Variants in NRDC observed in about 807,000 individuals in gnomAD.
The protein encoded by NRDC is nardilysin.
In NRDC, 54 loss-of-function variants were observed where a neutral mutation model predicts 147.1. The ratio of observed to expected loss-of-function variants is 0.37; its 90% CI spans 0.29 to 0.46. NRDC has a LOEUF of 0.46. NRDC is among the 20% of genes least tolerant of loss of function. NRDC has a pLI of 1.00. For synonymous variants in NRDC, 440 were observed against 482.1 expected (o/e 0.91, Z 1.14); for missense variants, 1,082 against 1,370.6 (o/e 0.79, Z 3.33).
rs756968433 is a variant in NRDC at position 51,813,986 on chromosome 1, C to T, written c.1674+49G>A. 6 of 1,201,736 alleles carry T rather than the reference C, an allele frequency of 5.0e-6. No individual in the cohort carries two copies. The Admixed American group carries it at 8.9e-5, about 18-fold the overall frequency. 74.4% of individuals were successfully genotyped at this position (1,201,736 alleles called of 1,614,324 possible). A position where few individuals can be genotyped will look rare whatever the true frequency, so the allele number is the denominator to read the frequency against. On this transcript the variant is annotated intron_variant, in intron 14 of 30. Coordinates refer to ENST00000352171, the MANE Select transcript of NRDC (RefSeq NM_001101662.2). The stretch of plus-strand genomic sequence containing the variant: ...AAAAGAGGAACAATGTCTACACCAG[C>T]TTCAACTCAGTCACAGATAACATGC...
intron 13 of NRDC, 159 bp from the exon 14 acceptor site, chr1:51,814,248 A>G: frequency 1.7e-6 from 1 of 598,224 alleles, no homozygotes; most frequent in Non-Finnish European, 3.0e-6. Flanking sequence ...ACCGTGACAC[A>G]AGTTTACCTA....
chr1:51,820,983 G>A (rs762139111), intron 8 of NRDC, among the ~76,000 whole-genome samples: 10 of 151,966 alleles, frequency 6.6e-5, no homozygotes, highest in African/African-American at 1.7e-4. Context: ...ACTGAAACTC[G>A]ACATACAATT....
At chr1:51,839,725 C>T (rs958345756) in intron 2 of NRDC, among the ~76,000 whole-genome samples, 6 of 152,128 alleles carry the variant, frequency 3.9e-5, no homozygotes, top group African/African-American at 1.2e-4. Context: ...CTAAATCAAA[C>T]TCAATTATCT....
At position 51,797,717 on chromosome 1, in the gene NRDC, A is replaced by C. The variant is rs574622499; in HGVS notation, c.2604+532T>G. Among the ~76,000 whole-genome samples the C allele has an allele frequency of 4.6e-5, 7 of 152,208 alleles. No individual in the cohort carries two copies. The South Asian group carries it at 1.5e-3, about 32-fold the overall frequency. ...CAAACAGTATAGATACGCCAAACCC[A>C]TTTCACTCAAAATCCTAGTCTATTA... On this transcript the variant is annotated intron_variant, in intron 22 of 30. Transcript: ENST00000352171.
chr1:51,807,249 G>A (rs1013753275), intron 17 of NRDC, among the ~76,000 whole-genome samples: 2 of 152,188 alleles, frequency 1.3e-5, no homozygotes, highest in Non-Finnish European at 2.9e-5. Flanking sequence ...ATTAATTCAT[G>A]AGAATGCCTT....
At chr1:51,852,492 T>G (rs1682007072) in intron 1 of NRDC, among the ~76,000 whole-genome samples, 1 of 101,878 alleles carries the variant, frequency 9.8e-6, no homozygotes, top group Non-Finnish European at 2.4e-5. Flanking sequence ...ATATATAACA[T>G]GTATATGAGG....
chr1:51,863,459 A>G (rs907619432), intron 1 of NRDC, among the ~76,000 whole-genome samples: 4 of 152,188 alleles, frequency 2.6e-5, no homozygotes, highest in African/African-American at 9.7e-5. Flanking sequence ...TAATGAACTC[A>G]ACCTAAAATT....
At chr1:51,860,285 C>T (rs1571914760) in intron 1 of NRDC, 1 of 153,228 alleles carries the variant, frequency 6.5e-6, no homozygotes, top group African/African-American at 2.4e-5. Context: ...TTTCCCATTC[C>T]GTAAGTTTTT....
rs1449610313 is a variant in NRDC, at chr1:51,814,167, A to C, written c.1620-78T>G. On this transcript the variant is annotated intron_variant, in intron 13 of 30. Coordinates refer to ENST00000352171, the MANE Select transcript of NRDC (RefSeq NM_001101662.2). ...GAGGGAGAAGGGCGGGAGGAGGGAGAGGATCAGAAAAGGTAACTATTGGGT... is the reference window on the plus strand; with the variant it reads ...GAGGGAGAAGGGCGGGAGGAGGGAGCGGATCAGAAAAGGTAACTATTGGGT... 3 of 879,794 alleles carry C rather than the reference A, an allele frequency of 3.4e-6. No individual in the cohort carries two copies. In the African/African-American group the frequency reaches 5.0e-5, roughly 15 times the overall value. 54.5% of individuals were successfully genotyped at this position (879,794 alleles called of 1,614,324 possible).
chr1:51,819,866 G>A lies in NRDC; in HGVS notation c.1225C>T (p.Pro409Ser). Reference protein sequence around the residue: ...IFSQIPNNGLPRPNFGHLTDP... With the variant: ...IFSQIPNNGLSRPNFGHLTDP... Reference sequence around the variant, plus strand: ...GTTAAATGGCCAAAGTTTGGTCTGGGTAACCCACTGAAAATAAAACAAATA... The same window carrying A: ...GTTAAATGGCCAAAGTTTGGTCTGGATAACCCACTGAAAATAAAACAAATA... The change falls in exon 9 of 31, where the codon CCC (proline) becomes TCC (serine). Residue 409 changes from proline to serine, a missense_variant. Physicochemically the swap from Pro to Ser is moderately conservative, Grantham distance 74. Coordinates refer to ENST00000352171, the MANE Select transcript of NRDC (RefSeq NM_001101662.2). The A allele has an allele frequency of 6.2e-7, 1 of 1,606,132 alleles. No individual in the cohort carries two copies. The highest frequency in any genetic ancestry group is 1.1e-5 in the South Asian group (1 of 90,072).
intron 1 of NRDC, among the ~76,000 whole-genome samples, chr1:51,859,392 C>T (rs1682418422): frequency 6.6e-6 from 1 of 152,154 alleles, no homozygotes; most frequent in African/African-American, 2.4e-5. Context: ...TGGTTTTGAG[C>T]CTCTGGAGTC....
rs1423664780 is a variant in NRDC, at chr1:51,816,404, T to G, written c.1362-15A>C. The G allele has an allele frequency of 6.5e-7, 1 of 1,529,006 alleles. No homozygotes were observed. Among genetic ancestry groups the G allele is most frequent in the Non-Finnish European group, 8.8e-7 (1 of 1,130,090 alleles). 94.7% of individuals were successfully genotyped at this position (1,529,006 alleles called of 1,614,324 possible). A position where few individuals can be genotyped will look rare whatever the true frequency, so the allele number is the denominator to read the frequency against. ...GTGGCTTCACCCTTTTAAAAAAATT[T>G]AATGGTCAGAAGAAAAAAACAAAAG... On this transcript the variant is annotated splice_polypyrimidine_tract_variant and intron_variant, in intron 10 of 30. Coordinates refer to ENST00000352171, the MANE Select transcript of NRDC (RefSeq NM_001101662.2).
rs1372431855 is a variant in NRDC, at chr1:51,790,608, G to C, written c.3093C>G (p.His1031Gln). The C allele has an allele frequency of 6.2e-7, 1 of 1,614,010 alleles. No individual in the cohort carries two copies. Among genetic ancestry groups the C allele is most frequent in the East Asian group, 2.2e-5 (1 of 44,890 alleles). ...LIKLKECEDT[H>Q]LGEEVDRNWN... Reference sequence around the variant, plus strand: ...AGTTCCTATCCACCTCCTCCCCAAGGTGGGTATCCTCACACTCCTTCAGCT... The same window carrying C: ...AGTTCCTATCCACCTCCTCCCCAAGCTGGGTATCCTCACACTCCTTCAGCT... The change falls in exon 29 of 31, where the codon CAC (histidine) becomes CAG (glutamine). Residue 1031 changes from histidine (H) to glutamine (Q), a missense_variant. Physicochemically the swap from His to Gln is conservative, Grantham distance 24. Coordinates refer to ENST00000352171, the MANE Select transcript of NRDC (RefSeq NM_001101662.2).
At chr1:51,820,022 A>C (rs202000584) in intron 8 of NRDC, 149 bp from the exon 9 acceptor site, 64 of 620,598 alleles carry the variant, frequency 1.0e-4, no homozygotes. Context: ...AGATGGCAAC[A>C]CAGCCACAAA....
intron 1 of NRDC, among the ~76,000 whole-genome samples, chr1:51,849,683 G>T (rs1057035182): frequency 2.6e-5 from 4 of 151,802 alleles, no homozygotes; most frequent in Non-Finnish European, 5.9e-5. Context: ...GGGCATGGTG[G>T]CTGGCACCTG....
chr1:51,856,481 TTTGA>T (rs1317574068), intron 1 of NRDC, among the ~76,000 whole-genome samples: 1 of 152,124 alleles, frequency 6.6e-6, no homozygotes, highest in African/African-American at 2.4e-5. Flanking sequence ...CCTCTTTGGG[TTTGA>T]TTAATTTGCT....
intron 1 of NRDC, among the ~76,000 whole-genome samples, chr1:51,846,279 A>AT (rs1472577616): frequency 4.0e-5 from 6 of 151,800 alleles, no homozygotes; most frequent in Admixed American, 2.0e-4. Flanking sequence ...CACCTGGTTA[A>AT]TTTTTTTATT....
intron 4 of NRDC, among the ~76,000 whole-genome samples, chr1:51,828,939 A>G (rs1241022136): frequency 6.6e-6 from 1 of 152,140 alleles, no homozygotes; most frequent in Non-Finnish European, 1.5e-5. Context: ...AGGCTTCTTT[A>G]AAAAACTTTT....
At chr1:51,825,441 G>T in intron 5 of NRDC, 59 bp from the exon 6 acceptor site, 1 of 1,263,548 alleles carries the variant, frequency 7.9e-7, no homozygotes, top group Non-Finnish European at 1.1e-6. Context: ...TTATTATATG[G>T]AAATTCAAAC....
Sources: allele counts gnomAD v4.1 joint callset (sites outside exome capture counted in the v4.1 genomes callset), GRCh38; gene constraint gnomAD v4.1.1; transcripts MANE v1.5; gene names NCBI Gene and HGNC (gene_info 2026-07-23, HGNC 2026-07-21).